Variants in NR2F1-AS1 observed in about 807,000 individuals in gnomAD.
The protein encoded by NR2F1-AS1 is NR2F1 antisense RNA 1.
At chr5:93,465,574 GGT>G (rs1334420355) in intron 4 of NR2F1-AS1, among the ~76,000 whole-genome samples, 1 of 152,070 alleles carries the variant, frequency 6.6e-6, no homozygotes, top group Non-Finnish European at 1.5e-5. Flanking sequence ...CCCATTACTG[GGT>G]ATATACCCAA....
chr5:93,465,992 G>A (rs1478364319), intron 4 of NR2F1-AS1, among the ~76,000 whole-genome samples: 2 of 151,930 alleles, frequency 1.3e-5, no homozygotes, highest in Non-Finnish European at 2.9e-5. Context: ...GTTGATGGGT[G>A]CAGCAAACCA....
At chr5:93,479,889 A>G (rs1750564871) in intron 4 of NR2F1-AS1, among the ~76,000 whole-genome samples, 1 of 152,154 alleles carries the variant, frequency 6.6e-6, no homozygotes, top group South Asian at 2.1e-4. Flanking sequence ...GAGATGAAAA[A>G]TATAAGAGAT....
chr5:93,485,841 T>C lies in NR2F1-AS1; in HGVS notation n.638+67920A>G, dbSNP rs550778924. Among the ~76,000 whole-genome samples, 331 of 146,194 alleles carry C rather than the reference T, an allele frequency of 2.3e-3. 1 individual carries two copies. Among genetic ancestry groups the C allele is most frequent in the African/African-American group, 7.9e-3 (312 of 39,280 alleles). ...ATGTTTATTGCGGCATTATTCACAA[T>C]AGCAAAGACTTGGAACCAACCCAAA... On this transcript the variant is annotated intron_variant and non_coding_transcript_variant, in intron 4 of 5. Coordinates refer to ENST00000660523, the Ensembl canonical transcript of NR2F1-AS1.
At chr5:93,544,003 C>A (rs1752017802) in intron 4 of NR2F1-AS1, 1 of 152,160 alleles carries the variant, frequency 6.6e-6, no homozygotes, top group Non-Finnish European at 1.5e-5. Flanking sequence ...GTCATGGCCA[C>A]AGTTCAATGG....
chr5:93,424,562 T>C (rs536368811), intron 4 of NR2F1-AS1, among the ~76,000 whole-genome samples: 1 of 152,170 alleles, frequency 6.6e-6, no homozygotes, highest in African/African-American at 2.4e-5. Context: ...TATATCCCAC[T>C]TGGACCTCTG....
intron 4 of NR2F1-AS1, among the ~76,000 whole-genome samples, chr5:93,489,338 C>T (rs1388260639): frequency 6.6e-6 from 1 of 151,890 alleles, no homozygotes; most frequent in South Asian, 2.1e-4. Flanking sequence ...AGACCCTCCA[C>T]CGGCAAAAAG....
At chr5:93,537,387 C>T (rs1645509347) in intron 4 of NR2F1-AS1, among the ~76,000 whole-genome samples, 1 of 152,052 alleles carries the variant, frequency 6.6e-6, no homozygotes, top group Non-Finnish European at 1.5e-5. Context: ...TATTCTCCTA[C>T]AGAATAGGAG....
intron 4 of NR2F1-AS1, among the ~76,000 whole-genome samples, chr5:93,462,301 G>A (rs1263773176): frequency 6.6e-6 from 1 of 152,090 alleles, no homozygotes; most frequent in South Asian, 2.1e-4. Flanking sequence ...TTTTAAAATG[G>A]GGAGTTTCGC....
intron 2 of NR2F1-AS1, among the ~76,000 whole-genome samples, chr5:93,555,882 T>C (rs1167821121): frequency 6.6e-6 from 1 of 152,180 alleles, no homozygotes; most frequent in Non-Finnish European, 1.5e-5. Context: ...AGTAGTAGCA[T>C]TAGAGGTCAT....
At chr5:93,558,676 T>C (rs1478195464) in intron 2 of NR2F1-AS1, among the ~76,000 whole-genome samples, 3 of 152,342 alleles carry the variant, frequency 2.0e-5, no homozygotes, top group African/African-American at 7.2e-5. Context: ...CTCCTTGATC[T>C]ATGGGCTATA....
At chr5:93,564,131 AAAAAAAAAAAAAAAAAAAAC>A (rs1361895677) in intron 1 of NR2F1-AS1, among the ~76,000 whole-genome samples, 13 of 122,972 alleles carry the variant, frequency 1.1e-4, no homozygotes, top group African/African-American at 4.0e-4. Flanking sequence ...AAAAAAAAAA[AAAAAAAAAAAAAAAAAAAAC>A]ACACAACTAC....
At chr5:93,506,405 T>C (rs1296632421) in intron 4 of NR2F1-AS1, among the ~76,000 whole-genome samples, 2 of 152,206 alleles carry the variant, frequency 1.3e-5, no homozygotes, top group African/African-American at 4.8e-5. Context: ...CTTCCACATT[T>C]TCAGGTATCT....
intron 4 of NR2F1-AS1, among the ~76,000 whole-genome samples, chr5:93,464,775 C>A (rs886261371): frequency 1.6e-4 from 24 of 152,168 alleles, no homozygotes; most frequent in Admixed American, 1.6e-3. Flanking sequence ...TACATAAGCC[C>A]ACAAAACAAT....
At chr5:93,576,553 C>G (rs756770807) in intron 1 of NR2F1-AS1, among the ~76,000 whole-genome samples, 1 of 151,838 alleles carries the variant, frequency 6.6e-6, no homozygotes, top group Non-Finnish European at 1.5e-5. Context: ...TTATTTAGAT[C>G]AACGTTCTGA....
intron 4 of NR2F1-AS1, among the ~76,000 whole-genome samples, chr5:93,545,752 C>T (rs1469948189): frequency 6.6e-6 from 1 of 152,198 alleles, no homozygotes; most frequent in African/African-American, 2.4e-5. Flanking sequence ...TTGTTAATTT[C>T]ATTAATTTTG....
chr5:93,443,186 T>C (rs527307788), intron 4 of NR2F1-AS1, among the ~76,000 whole-genome samples: 30 of 152,358 alleles, frequency 2.0e-4, no homozygotes, highest in African/African-American at 6.5e-4. Context: ...CAAAGCTGCA[T>C]GGAGAATGAC....
At chr5:93,550,593 G>A (rs1440359387) in intron 4 of NR2F1-AS1, among the ~76,000 whole-genome samples, 1 of 152,178 alleles carries the variant, frequency 6.6e-6, no homozygotes, top group African/African-American at 2.4e-5. Context: ...GATATCAACA[G>A]TTTTATGCCT....
intron 4 of NR2F1-AS1, among the ~76,000 whole-genome samples, chr5:93,491,373 GGGTGGTGGTGCTGGT>G (rs1750845975): frequency 7.0e-6 from 1 of 143,228 alleles, no homozygotes; most frequent in South Asian, 2.3e-4. Context: ...GATGGTGGGG[GGGTGGTGGTGCTGGT>G]GGTGGTGGTG....
chr5:93,417,959 T>C (rs1364240723), intron 4 of NR2F1-AS1, among the ~76,000 whole-genome samples: 2 of 151,998 alleles, frequency 1.3e-5, no homozygotes, highest in African/African-American at 4.8e-5. Flanking sequence ...CACTTAAGAG[T>C]CCCACAACTC....
Sources: allele counts gnomAD v4.1 joint callset (sites outside exome capture counted in the v4.1 genomes callset), GRCh38; gene constraint gnomAD v4.1.1; transcripts MANE v1.5; gene names NCBI Gene and HGNC (gene_info 2026-07-23, HGNC 2026-07-21).